ACSS3: variants seen among roughly 807,000 people sequenced by gnomAD.
The protein encoded by ACSS3 is acyl-CoA synthetase short-chain family member 3, mitochondrial.
Under a neutral mutation model 84.2 loss-of-function variants are expected in ACSS3, and 64 were observed. The ratio of observed to expected loss-of-function variants is 0.76; its 90% CI spans 0.62 to 0.94. The LOEUF is 0.94. Among genes scored for constraint, ACSS3 ranks in the 40% least tolerant of loss-of-function variants. The pLI is 0.00. For missense variants in ACSS3, 815 were observed against 867.6 expected, an observed-to-expected ratio of 0.94 and a Z score of 0.76; for synonymous variants, 317 against 310.1, an observed-to-expected ratio of 1.02 and a Z score of -0.23.
intron 5 of ACSS3, among the ~76,000 whole-genome samples, chr12:81,147,320 G>T (rs1039307663): frequency 4.6e-5 from 7 of 152,182 alleles, no homozygotes; most frequent in Admixed American, 2.0e-4. Flanking sequence ...AGTGTTTGTT[G>T]AAATAATTGC....
chr12:81,142,090 T>C (rs892797666), intron 4 of ACSS3, among the ~76,000 whole-genome samples: 5 of 152,198 alleles, frequency 3.3e-5, no homozygotes, highest in Admixed American at 1.3e-4. Flanking sequence ...GCTTAGAAAA[T>C]GGAAGTGGCT....
chr12:81,109,449 G>A (rs1000012872), intron 1 of ACSS3, 111 bp from the exon 2 acceptor site: 13 of 1,241,488 alleles, frequency 1.0e-5, no homozygotes, highest in South Asian at 3.4e-5. Context: ...GAATGCACTA[G>A]GAAACATTGT....
chr12:81,158,038 G>T (rs904144672), intron 7 of ACSS3, among the ~76,000 whole-genome samples: 1 of 151,712 alleles, frequency 6.6e-6, no homozygotes, highest in Non-Finnish European at 1.5e-5. Context: ...AATATTCATT[G>T]TGTCTCTATA....
chr12:81,083,613 G>T (rs964746146), intron 1 of ACSS3, among the ~76,000 whole-genome samples: 2 of 151,796 alleles, frequency 1.3e-5, no homozygotes, highest in Admixed American at 1.3e-4. Context: ...GCTCACCTCG[G>T]CCTCCCAAAG....
rs201772438 is a variant in ACSS3 at position 81,177,508 on chromosome 12, C to T, written c.1250+2569C>T. ...AGCCTCTGCACAGCAAAAGAAACTA[C>T]CATCACAGTGAACAGGCAACCCACA... On this transcript the variant is annotated intron_variant, in intron 8 of 15. Transcript: ENST00000548058. 3.3e-5 allele frequency among the ~76,000 whole-genome samples: 5 copies of T among 152,176 alleles called. No homozygotes were observed. In the East Asian group the frequency reaches 9.6e-4, roughly 29 times the overall value.
chr12:81,176,673 A>AT (rs1469382990), intron 8 of ACSS3, among the ~76,000 whole-genome samples: 1 of 152,106 alleles, frequency 6.6e-6, no homozygotes, highest in Non-Finnish European at 1.5e-5. Flanking sequence ...TGAATCAGTA[A>AT]TAAAAAAAAC....
intron 7 of ACSS3, among the ~76,000 whole-genome samples, chr12:81,159,527 C>T (rs1273235157): frequency 6.6e-6 from 1 of 152,096 alleles, no homozygotes; most frequent in African/African-American, 2.4e-5. Flanking sequence ...TTGGATTGAC[C>T]AGTTAAAATA....
At chr12:81,093,950 T>G (rs985572248) in intron 1 of ACSS3, among the ~76,000 whole-genome samples, 12 of 152,124 alleles carry the variant, frequency 7.9e-5, no homozygotes, top group African/African-American at 2.9e-4. Flanking sequence ...GGTAGCTCAT[T>G]TTTTTTCACT....
chr12:81,174,818 G>T lies in ACSS3; in HGVS notation c.1129G>T (p.Ala377Ser). 6.2e-7 allele frequency: 1 copy of T among 1,613,614 alleles called. No homozygotes were observed. Among genetic ancestry groups the T allele is most frequent in the Non-Finnish European group, 8.5e-7 (1 of 1,179,710 alleles). The stretch of plus-strand genomic sequence containing the variant: ...GCCTGTGGGAACACCAGATGCTGGC[G>T]CTTATTTCCGTGTGCTTGCAGAGCA... Reference protein sequence around the residue: ...GKPVGTPDAGAYFRVLAEHGV... With the variant: ...GKPVGTPDAGSYFRVLAEHGV... Residue 377 changes from alanine to serine, a missense_variant, in exon 8 of 16, where the codon GCT (alanine) becomes TCT (serine). By Grantham distance (99) the Ala-to-Ser change is moderately conservative (BLOSUM62 1). Transcript: ENST00000548058.
chr12:81,107,560 A>ATATATATAT (rs1256549775), intron 1 of ACSS3, among the ~76,000 whole-genome samples: 2 of 98,704 alleles, frequency 2.0e-5, no homozygotes, highest in Non-Finnish European at 4.1e-5. Context: ...ATATATATAT[A>ATATATATAT]AATGTTTTTG....
chr12:81,134,229 T>A (rs192261448), intron 2 of ACSS3, among the ~76,000 whole-genome samples: 2 of 152,300 alleles, frequency 1.3e-5, no homozygotes, highest in East Asian at 3.9e-4. Context: ...ATTTGCTAGT[T>A]CTCTGACCTT....
In ACSS3 at chr12:81,187,825, T is replaced by C. The variant is rs183488687; in HGVS notation, c.1251-11516T>C. 2.9e-3 allele frequency among the ~76,000 whole-genome samples: 434 copies of C among 152,008 alleles called. 3 individuals carry two copies. Among genetic ancestry groups the C allele is most frequent in the Non-Finnish European group, 4.5e-3 (306 of 67,850 alleles). On this transcript the variant is annotated intron_variant, in intron 8 of 15. Coordinates refer to ENST00000548058, the MANE Select transcript of ACSS3 (RefSeq NM_024560.4). ...TTTTTTATTAAATTGAGAAAGCAAG[T>C]TGAGGCTGATAGCAGAGAAATGGTT...
At chr12:81,253,933 TTTTAA>T (rs1253929024) in intron 15 of ACSS3, among the ~76,000 whole-genome samples, 2 of 152,158 alleles carry the variant, frequency 1.3e-5, no homozygotes, top group African/African-American at 4.8e-5. Flanking sequence ...TATTTATTTA[TTTTAA>T]TTTAGAGATA....
intron 9 of ACSS3, among the ~76,000 whole-genome samples, chr12:81,215,776 C>G (rs1427408143): frequency 6.6e-6 from 1 of 152,148 alleles, no homozygotes; most frequent in Non-Finnish European, 1.5e-5. Context: ...TAACTCCAAA[C>G]TTGCTTTTAT....
chr12:81,238,442 A>G (rs1323762688), intron 13 of ACSS3, among the ~76,000 whole-genome samples: 1 of 151,888 alleles, frequency 6.6e-6, no homozygotes, highest in Middle Eastern at 3.4e-3. Context: ...TTATTCCTTA[A>G]ATGGTAGAAT....
At chr12:81,173,390 T>A (rs1402838329) in intron 7 of ACSS3, among the ~76,000 whole-genome samples, 2 of 152,148 alleles carry the variant, frequency 1.3e-5, no homozygotes, top group Non-Finnish European at 2.9e-5. Flanking sequence ...CTGCAGGAAA[T>A]ACTTTCTTGG....
chr12:81,214,504 T>C (rs1028283621), intron 9 of ACSS3, among the ~76,000 whole-genome samples: 1 of 152,184 alleles, frequency 6.6e-6, no homozygotes, highest in African/African-American at 2.4e-5. Context: ...AAAAATAAGC[T>C]TTTAATAGTT....
chr12:81,150,211 T>C (rs1886542525), intron 5 of ACSS3, among the ~76,000 whole-genome samples: 1 of 152,144 alleles, frequency 6.6e-6, no homozygotes, highest in Non-Finnish European at 1.5e-5. Context: ...TAAAAATGGG[T>C]TCTAAATGCA....
chr12:81,211,563 A>G (rs2032594590), intron 9 of ACSS3, among the ~76,000 whole-genome samples: 1 of 152,148 alleles, frequency 6.6e-6, no homozygotes, highest in African/African-American at 2.4e-5. Context: ...CTTGTGAATT[A>G]TCATGTGAAT....
Sources: gnomAD v4.1 joint callset for allele counts (sites outside exome capture counted in the v4.1 genomes callset) on GRCh38, gnomAD v4.1.1 for gene constraint, MANE v1.5 for transcripts, NCBI Gene and HGNC (gene_info 2026-07-23, HGNC 2026-07-21) for gene names.